Variants in BICDL1 observed in about 807,000 individuals in gnomAD.
BICDL1 encodes the protein BICD family-like cargo adapter 1.
A neutral mutation model predicts 76.8 loss-of-function variants in BICDL1; 20 were observed. The ratio of observed to expected loss-of-function variants is 0.26; its 90% confidence interval spans 0.18 to 0.38. The LOEUF is 0.38. Among genes scored for constraint, BICDL1 ranks in the 10% least tolerant of loss-of-function variants. The pLI is 1.00. For missense variants in BICDL1, 700 were observed against 798.6 expected, an observed-to-expected ratio of 0.88 and a Z score of 1.49; for synonymous variants, 383 against 337.1, an observed-to-expected ratio of 1.14 and a Z score of -1.49.
intron 2 of BICDL1, among the ~76,000 whole-genome samples, chr12:120,035,960 A>G (rs761054344): frequency 6.6e-5 from 10 of 152,218 alleles, no homozygotes; most frequent in Non-Finnish European, 5.9e-5. Flanking sequence ...GGAATCACAC[A>G]TTGTGAATTA....
At chr12:120,092,869 G>C in intron 9 of BICDL1, 131 bp from the exon 10 acceptor site, 2 of 1,446,812 alleles carry the variant, frequency 1.4e-6, no homozygotes, top group South Asian at 3.1e-5. Flanking sequence ...GGTCAGGGCA[G>C]TCCCGGCTGC....
chr12:120,026,379 T>A (rs1331273862), intron 2 of BICDL1, among the ~76,000 whole-genome samples: 2 of 152,204 alleles, frequency 1.3e-5, no homozygotes, highest in East Asian at 3.8e-4. Context: ...TATAGTATAA[T>A]ATTTACTTTC....
chr12:119,994,670 A>G (rs1238678368), intron 1 of BICDL1, among the ~76,000 whole-genome samples: 1 of 152,064 alleles, frequency 6.6e-6, no homozygotes, highest in African/African-American at 2.4e-5. Flanking sequence ...TTGTATTTTT[A>G]GTAGAGACGG....
At chr12:120,089,276 G>C (rs993100906) in intron 8 of BICDL1, among the ~76,000 whole-genome samples, 1 of 138,914 alleles carries the variant, frequency 7.2e-6, no homozygotes, top group Non-Finnish European at 1.5e-5. Context: ...TTCAACGTGT[G>C]TGTGTGTGTG....
In BICDL1 at chr12:120,093,734, G is replaced by C. The variant is rs531259436; in HGVS notation, c.*573G>C. 1 of 170,332 alleles carries C rather than the reference G, an allele frequency of 5.9e-6. No homozygotes were observed. The highest frequency in any genetic ancestry group is 1.7e-4 in the East Asian group (1 of 5,732). 10.6% of individuals were successfully genotyped at this position (170,332 alleles called of 1,614,324 possible). A position where few individuals can be genotyped will look rare whatever the true frequency, so the allele number is the denominator to read the frequency against. ...GCAGGAGGCCAAGCCTCTGGCCGCA[G>C]GGTCTAAGAGCCGGGGCTTACCCAA... On this transcript the variant is annotated 3_prime_UTR_variant, in exon 10 of 10. Coordinates refer to ENST00000548673, the MANE Select transcript of BICDL1 (RefSeq NM_001367886.1).
intron 2 of BICDL1, among the ~76,000 whole-genome samples, chr12:120,055,435 G>T (rs1952953135): frequency 6.6e-6 from 1 of 152,160 alleles, no homozygotes; most frequent in African/African-American, 2.4e-5. Context: ...TGATGAAACA[G>T]CTTTGTTCAG....
intron 2 of BICDL1, among the ~76,000 whole-genome samples, chr12:120,014,847 T>TA (rs918772699): frequency 3.3e-5 from 5 of 151,046 alleles, no homozygotes; most frequent in South Asian, 2.1e-4. Context: ...AATTAAAAAA[T>TA]AAAAAAAATT....
intron 2 of BICDL1, among the ~76,000 whole-genome samples, chr12:120,029,996 G>A (rs1952389126): frequency 6.6e-6 from 1 of 152,104 alleles, no homozygotes; most frequent in Non-Finnish European, 1.5e-5. Context: ...TTTTAAAATA[G>A]TCTTTTTTCT....
At chr12:120,012,238 A>G (rs1451429169) in intron 2 of BICDL1, among the ~76,000 whole-genome samples, 2 of 152,194 alleles carry the variant, frequency 1.3e-5, no homozygotes, top group African/African-American at 4.8e-5. Context: ...ATGACACATA[A>G]GGTACTTTCC....
At chr12:120,011,491 C>CT (rs1039206851) in intron 2 of BICDL1, among the ~76,000 whole-genome samples, 4 of 152,100 alleles carry the variant, frequency 2.6e-5, no homozygotes, top group Non-Finnish European at 4.4e-5. Context: ...ACAGTATCAC[C>CT]TTTTTTGGTA....
intron 7 of BICDL1, among the ~76,000 whole-genome samples, chr12:120,080,045 A>G (rs185843905): frequency 6.6e-6 from 1 of 152,374 alleles, no homozygotes; most frequent in African/African-American, 2.4e-5. Context: ...TGACTAGCCA[A>G]AAAATGACAA....
intron 2 of BICDL1, among the ~76,000 whole-genome samples, chr12:120,037,565 T>C (rs1407220159): frequency 2.0e-5 from 3 of 152,064 alleles, no homozygotes; most frequent in Non-Finnish European, 1.5e-5. Flanking sequence ...TGCTCAGCAA[T>C]GAGAGAGAAC....
chr12:119,994,631 T>A (rs1441211923), intron 1 of BICDL1, among the ~76,000 whole-genome samples: 1 of 152,018 alleles, frequency 6.6e-6, no homozygotes, highest in East Asian at 1.9e-4. Context: ...CTGGGACTAC[T>A]GGTATACACC....
At chr12:120,028,744 AC>A (rs1340254227) in intron 2 of BICDL1, among the ~76,000 whole-genome samples, 1 of 152,120 alleles carries the variant, frequency 6.6e-6, no homozygotes, top group Non-Finnish European at 1.5e-5. Flanking sequence ...GTGTTGTTGT[AC>A]ACTTGTAGTC....
chr12:120,013,619 G>A (rs1387428253), intron 2 of BICDL1, among the ~76,000 whole-genome samples: 3 of 151,812 alleles, frequency 2.0e-5, no homozygotes, highest in African/African-American at 7.3e-5. Context: ...CCGCCACCAC[G>A]CCTGGCTAAT....
chr12:119,994,886 A>G (rs1418722519), intron 1 of BICDL1, among the ~76,000 whole-genome samples: 1 of 152,186 alleles, frequency 6.6e-6, no homozygotes, highest in Non-Finnish European at 1.5e-5. Context: ...CCTCTTATTA[A>G]CATCTTATAA....
At chr12:120,025,141 CTG>C (rs1178818824) in intron 2 of BICDL1, among the ~76,000 whole-genome samples, 1 of 151,750 alleles carries the variant, frequency 6.6e-6, no homozygotes, top group Non-Finnish European at 1.5e-5. Context: ...GCTCCGCCCC[CTG>C]GGGTTCACAC....
intron 2 of BICDL1, among the ~76,000 whole-genome samples, chr12:120,024,859 G>T (rs1025919030): frequency 6.6e-6 from 1 of 151,702 alleles, no homozygotes; most frequent in Non-Finnish European, 1.5e-5. Context: ...TATATTTTTA[G>T]TAAAGACGGA....
intron 2 of BICDL1, among the ~76,000 whole-genome samples, chr12:120,047,761 G>A (rs951982314): frequency 1.3e-5 from 2 of 151,922 alleles, no homozygotes; most frequent in African/African-American, 2.4e-5. Flanking sequence ...TATGTACTTT[G>A]TTTATTCTTC....
Sources: gnomAD v4.1 joint callset for allele counts (sites outside exome capture counted in the v4.1 genomes callset) on GRCh38, gnomAD v4.1.1 for gene constraint, MANE v1.5 for transcripts, NCBI Gene and HGNC (gene_info 2026-07-23, HGNC 2026-07-21) for gene names.